The following SRCAP variants were observed in gnomAD, a reference collection of about 807,000 sequenced individuals.
The protein encoded by SRCAP is Snf2 related CREBBP activator protein, also known as chromatin remodeling protein SRCAP.
Under a neutral mutation model 263.1 loss-of-function variants are expected in SRCAP, and 46 were observed. The ratio of observed to expected loss-of-function variants is 0.17; its 90% CI spans 0.14 to 0.22. SRCAP has a LOEUF of 0.22. Among genes scored for constraint, SRCAP ranks in the 10% least tolerant of loss-of-function variants. The pLI, the probability that SRCAP is intolerant of heterozygous loss-of-function variation, is 1.00. For missense variants in SRCAP, 3,695 were observed against 4,181.9 expected, an observed-to-expected ratio of 0.88 and a Z score of 3.21; for synonymous variants, 1,813 against 1,662.1, an observed-to-expected ratio of 1.09 and a Z score of -2.21.
In SRCAP at chr16:30,722,691, A is replaced by T; in HGVS notation, c.3835A>T (p.Thr1279Ser). 6.2e-7 allele frequency: 1 copy of T among 1,608,946 alleles called. No homozygotes were observed. The highest frequency in any genetic ancestry group is 8.5e-7 in the Non-Finnish European group (1 of 1,178,516). ...PTPVSVLPSS[T>S]PSTTPAPTGL... The stretch of plus-strand genomic sequence containing the variant: ...CCCTGTCTCTGTGCTGCCTTCTTCG[A>T]CCCCCAGCACCACCCCTGCCCCTAC... The change falls in exon 23 of 34, where the codon ACC becomes TCC. Residue 1279 changes from threonine to serine, a missense_variant. Thr to Ser is a moderately conservative substitution (Grantham distance 58, BLOSUM62 1). Transcript: ENST00000262518.
In SRCAP at chr16:30,710,736, T is replaced by G; in HGVS notation, c.1135-18T>G. Reference sequence around the variant, plus strand: ...CTGTAACCTTAGACCCTTCCCTTTTTTATCTTTTGCCATACAGATAAAGCC... The same window carrying G: ...CTGTAACCTTAGACCCTTCCCTTTTGTATCTTTTGCCATACAGATAAAGCC... On this transcript the variant is annotated intron_variant, in intron 8 of 33. Transcript: ENST00000262518. 6.2e-7 allele frequency: 1 copy of G among 1,614,018 alleles called. No homozygotes were observed. The highest frequency in any genetic ancestry group is 8.5e-7 in the Non-Finnish European group (1 of 1,179,880).
At chr16:30,718,048 T>A (rs1199567246) in intron 18 of SRCAP, among the ~76,000 whole-genome samples, 1 of 151,994 alleles carries the variant, frequency 6.6e-6, no homozygotes, top group Admixed American at 6.6e-5. Context: ...TTATTTTAAT[T>A]TTTTTGTAGA....
At position 30,738,594 on chromosome 16, in the gene SRCAP, A is replaced by G; in HGVS notation, c.8554A>G (p.Thr2852Ala). ...TGGAGACGGAGCACTGCTCGCCATC[A>G]CCCCACCTGCTGTGAAACGTCGGAG... Reference protein sequence around the residue: ...ENGDGALLAITPPAVKRRRGR... With the variant: ...ENGDGALLAIAPPAVKRRRGR... The change falls in exon 34 of 34, where the codon ACC becomes GCC. Residue 2852 changes from threonine to alanine, a missense_variant. Coordinates refer to ENST00000262518, the MANE Select transcript of SRCAP (RefSeq NM_006662.3). The G allele has an allele frequency of 6.2e-7, 1 of 1,603,940 alleles. No homozygotes were observed. The highest frequency in any genetic ancestry group is 8.5e-7 in the Non-Finnish European group (1 of 1,174,638).
rs937186154 is a variant in SRCAP at position 30,720,264 on chromosome 16, C to G, written c.2920C>G (p.Leu974Val). Residue 974 changes from leucine (L) to valine (V), a missense_variant, in exon 19 of 34, where the codon CTG (leucine) becomes GTG (valine). Leu to Val is a conservative substitution (Grantham distance 32). Coordinates refer to ENST00000262518, the MANE Select transcript of SRCAP (RefSeq NM_006662.3). ...LPRHRLSRRV[L>V]LEVATAPDPP... The stretch of plus-strand genomic sequence containing the variant: ...CCGGCACCGCCTCTCTCGCCGGGTA[C>G]TGTTAGAAGTGGCTACTGCTCCTGA... 1.2e-6 allele frequency: 2 copies of G among 1,614,074 alleles called. No individual in the cohort carries two copies. The highest frequency in any genetic ancestry group is 1.7e-6 in the Non-Finnish European group (2 of 1,180,042).
chr16:30,709,712 C>G lies in SRCAP; in HGVS notation c.833C>G (p.Pro278Arg), dbSNP rs759291172. 1.9e-5 allele frequency: 31 copies of G among 1,614,090 alleles called. No individual in the cohort carries two copies. In the East Asian group the frequency reaches 4.2e-4, roughly 22 times the overall value. The change falls in exon 7 of 34, where the codon CCT (proline) becomes CGT (arginine). Residue 278 changes from proline to arginine, a missense_variant. Transcript: ENST00000262518. ...TCAGCTGCCTCCAGTCCTCCACCCC[C>G]TGCTTCTCGCCTGGATGATGAAGGT... ...SSSAASSPPP[P>R]ASRLDDEDGD...
rs1596670383 is a variant in SRCAP at position 30,739,280 on chromosome 16, G to A, written c.9240G>A (p.Lys3080=). 2 of 1,614,012 alleles carry A rather than the reference G, an allele frequency of 1.2e-6. No homozygotes were observed. Among genetic ancestry groups the A allele is most frequent in the Admixed American group, 1.7e-5 (1 of 60,016 alleles). The change falls in exon 34 of 34, where the codon AAG becomes AAA. Residue 3080 remains lysine, a synonymous_variant. Coordinates refer to ENST00000262518, the MANE Select transcript of SRCAP (RefSeq NM_006662.3). ...RLEAEGMRGR[K]SGGSMVVAVI... Reference sequence around the variant, plus strand: ...AAGCAGAAGGAATGCGAGGACGGAAGAGTGGAGGGTCCATGGTGGTGGCTG... The same window carrying A: ...AAGCAGAAGGAATGCGAGGACGGAAAAGTGGAGGGTCCATGGTGGTGGCTG...
chr16:30,733,235 T>C lies in SRCAP; in HGVS notation c.6128-45T>C. The C allele has an allele frequency of 6.3e-7, 1 of 1,598,992 alleles. No homozygotes were observed. Among genetic ancestry groups the C allele is most frequent in the Non-Finnish European group, 8.5e-7 (1 of 1,173,152 alleles). ...CTTGCATTGCTAAGCATTCTACCCA[T>C]TGCGGCTTGTAGCTAGCTCCCTGTA... On this transcript the variant is annotated intron_variant, in intron 27 of 33. Transcript: ENST00000262518. This position sits in a 1 kb window ranked among gnomAD's most constrained non-coding sequence, Gnocchi z 5.3.
intron 24 of SRCAP, 130 bp downstream of exon 24, chr16:30,723,359 A>G (rs1036626176): frequency 1.7e-5 from 25 of 1,439,850 alleles, no homozygotes; most frequent in African/African-American, 1.0e-4. Context: ...AGTGGGCCCC[A>G]GAACTGGGCT....
chr16:30,731,841 C>A (rs577307570), intron 27 of SRCAP, among the ~76,000 whole-genome samples: 4 of 151,596 alleles, frequency 2.6e-5, no homozygotes, highest in East Asian at 1.9e-4. Flanking sequence ...CAGGGTGAGA[C>A]CTTGTCTCAA....
At position 30,704,346 on chromosome 16, in the gene SRCAP, T is replaced by C. The variant is rs2052802822; in HGVS notation, c.306+31T>C. ...TATTAGAAAGGCTTATGAAGATTCT[T>C]GGGAGTTATCTTCCGTAAACTCCCA... On this transcript the variant is annotated intron_variant, in intron 4 of 33. Coordinates refer to ENST00000262518, the MANE Select transcript of SRCAP (RefSeq NM_006662.3). 1.3e-6 allele frequency: 2 copies of C among 1,550,092 alleles called. 1 individual carries two copies. The highest frequency in any genetic ancestry group is 2.7e-5 in the African/African-American group (2 of 72,808).
In SRCAP at chr16:30,703,904, TAAAATA is replaced by T. The variant is rs1465327903; in HGVS notation, c.55-155_55-150del. On this transcript the variant is annotated intron_variant, in intron 3 of 33. Coordinates refer to ENST00000262518, the MANE Select transcript of SRCAP (RefSeq NM_006662.3). The stretch of plus-strand genomic sequence containing the variant: ...AGAGCGAGACTCCATCTCAAAAAAA[TAAAATA>T]AAAACTTTATCCCGAACGTTTGTGT... Among the ~76,000 whole-genome samples the T allele has an allele frequency of 2.3e-4, 34 of 150,936 alleles. 1 individual carries two copies. Among genetic ancestry groups the T allele is most frequent in the Admixed American group, 1.7e-3 (26 of 15,210 alleles).
chr16:30,699,715 C>T (rs1487754105), intron 1 of SRCAP, among the ~76,000 whole-genome samples, 193 bp from the exon 2 acceptor site: 1 of 152,092 alleles, frequency 6.6e-6, no homozygotes, highest in Non-Finnish European at 1.5e-5. Context: ...TCTTTCTTCA[C>T]TCCTTTCCTG....
chr16:30,725,367 G>A, intron 25 of SRCAP: 2 of 413,788 alleles, frequency 4.8e-6, no homozygotes, highest in Non-Finnish European at 8.6e-6. Flanking sequence ...GGCAGTAAAA[G>A]GAACTCTTCT....
chr16:30,715,076 A>G (rs895974697), intron 16 of SRCAP, among the ~76,000 whole-genome samples: 1 of 152,188 alleles, frequency 6.6e-6, no homozygotes, highest in South Asian at 2.1e-4. Flanking sequence ...CTTATGTGAT[A>G]AAGACTCTCC....
intron 24 of SRCAP, among the ~76,000 whole-genome samples, 154 bp downstream of exon 24, chr16:30,723,383 C>G (rs2053030502): frequency 6.6e-6 from 1 of 152,094 alleles, no homozygotes; most frequent in Non-Finnish European, 1.5e-5. Flanking sequence ...TGAGCCCTGA[C>G]CTAATTTCAA....
chr16:30,725,312 C>T (rs919157593), intron 25 of SRCAP: 14 of 792,776 alleles, frequency 1.8e-5, no homozygotes, highest in African/African-American at 3.5e-5. Flanking sequence ...TGAGCCACCA[C>T]GCCCGGCCTC....
Position 30,729,419 on chromosome 16 carries a change from G to C in SRCAP, c.5974G>C (p.Ala1992Pro). Residue 1992 changes from alanine to proline, a missense_variant, in exon 27 of 34, where the codon GCC becomes CCC. This residue lies in a region of SRCAP where 1,347 missense variants were observed against 1,304.4 expected (regional missense o/e 1.03). Coordinates refer to ENST00000262518, the MANE Select transcript of SRCAP (RefSeq NM_006662.3). ...GGAGGCACCTCCCCCTTCCCTGCAT[G>C]CCTGCCACCCACCTCCTTGGCTGGC... ...PVEAPPPSLH[A>P]CHPPPWLAPR... 6.2e-7 allele frequency: 1 copy of C among 1,614,128 alleles called. No individual in the cohort carries two copies. Among genetic ancestry groups the C allele is most frequent in the Admixed American group, 1.7e-5 (1 of 60,014 alleles).
chr16:30,732,381 G>T (rs145592019), intron 27 of SRCAP, among the ~76,000 whole-genome samples: 1,686 of 151,804 alleles, frequency 0.011, 11 homozygotes, highest in Non-Finnish European at 0.016. Context: ...AATCCAGGAG[G>T]TGGAGGTTGC....
chr16:30,705,187 G>C (rs533293102), intron 4 of SRCAP, among the ~76,000 whole-genome samples: 1 of 152,048 alleles, frequency 6.6e-6, no homozygotes, highest in East Asian at 1.9e-4. Context: ...TGTAGTCCTA[G>C]CTACTCAGGA....
Sources: allele counts gnomAD v4.1 joint callset (sites outside exome capture counted in the v4.1 genomes callset), GRCh38; gene constraint gnomAD v4.1.1; regional missense constraint gnomAD v4.1.1; non-coding constraint Gnocchi (gnomAD v3.1); transcripts MANE v1.5; gene names NCBI Gene and HGNC (gene_info 2026-07-23, HGNC 2026-07-21).